Variants in ZDHHC7 observed in about 807,000 individuals in gnomAD.
ZDHHC7 encodes the protein palmitoyltransferase ZDHHC7.
Under a neutral mutation model 34.1 loss-of-function variants are expected in ZDHHC7, and 12 were observed. The ratio of observed to expected loss-of-function variants is 0.35; its 90% CI spans 0.23 to 0.57. ZDHHC7 has a LOEUF of 0.57. Among genes scored for constraint, ZDHHC7 ranks in the 20% least tolerant of loss-of-function variants. The probability of loss-of-function intolerance (pLI) is 0.84; values close to 1 mark genes in which losing one functional copy is unlikely to be tolerated. For missense variants in ZDHHC7, 388 were observed against 402.7 expected (o/e 0.96, Z 0.31); for synonymous variants, 185 against 155.4 (o/e 1.19, Z -1.42).
At chr16:85,026,040 C>T in the ZDHHC7 span, among the ~76,000 whole-genome samples, 1 of 152,210 alleles carries the variant, frequency 6.6e-6, no homozygotes, top group Non-Finnish European at 1.5e-5. Context: ...TCTCTCTAAC[C>T]TTTTGACAAG....
At chr16:85,008,502 A>AC (rs61339076) in intron 1 of ZDHHC7, among the ~76,000 whole-genome samples, 24,721 of 136,924 alleles carry the variant, frequency 0.18, 2,218 homozygotes, top group African/African-American at 0.25. Context: ...CACCACCTAC[A>AC]CCCCCCCCCA....
intron 3 of ZDHHC7, chr16:84,982,203 G>C (rs2072379664): frequency 2.2e-6 from 1 of 454,500 alleles, no homozygotes; most frequent in Non-Finnish European, 3.9e-6. Context: ...AAATTAGCCA[G>C]GCGCGGTGGC....
At chr16:85,015,418 C>T (rs1328214641), upstream of ZDHHC7, among the ~76,000 whole-genome samples, 1 of 152,010 alleles carries the variant, frequency 6.6e-6, no homozygotes, top group Non-Finnish European at 1.5e-5. Context: ...TCTTAACAGA[C>T]CTAAGAAAGG....
At chr16:85,024,223 G>GTT in the ZDHHC7 span, among the ~76,000 whole-genome samples, 21 of 122,366 alleles carry the variant, frequency 1.7e-4, no homozygotes, top group Non-Finnish European at 2.4e-4. Context: ...TGGTCTCAGA[G>GTT]TTTTTTGTTT....
At chr16:84,976,607 C>T (rs1011255543) in intron 7 of ZDHHC7, 88 bp from the exon 8 acceptor site, 6 of 1,521,272 alleles carry the variant, frequency 3.9e-6, no homozygotes, top group Non-Finnish European at 8.9e-7. Flanking sequence ...TGCTCAAGCA[C>T]AGTGTGGGCT....
At chr16:85,007,162 G>A (rs1754790610) in intron 1 of ZDHHC7, among the ~76,000 whole-genome samples, 1 of 152,004 alleles carries the variant, frequency 6.6e-6, no homozygotes. Flanking sequence ...GGTGGCTCAT[G>A]CCTGTAATCC....
the ZDHHC7 span, among the ~76,000 whole-genome samples, chr16:85,018,289 G>A: frequency 6.6e-6 from 1 of 152,156 alleles, no homozygotes; most frequent in Non-Finnish European, 1.5e-5. Flanking sequence ...AGGCAAAACT[G>A]ATCTTCGGTG....
chr16:84,979,757 A>G (rs750004081), intron 4 of ZDHHC7, among the ~76,000 whole-genome samples: 1 of 151,858 alleles, frequency 6.6e-6, no homozygotes, highest in Non-Finnish European at 1.5e-5. Context: ...TCAACTACAC[A>G]CCCAGGCATG....
chr16:84,998,846 G>T (rs909290688), intron 1 of ZDHHC7, among the ~76,000 whole-genome samples: 7 of 149,048 alleles, frequency 4.7e-5, no homozygotes, highest in Non-Finnish European at 1.0e-4. Context: ...TTCCGCCTCT[G>T]GGGTTCAAGC....
At chr16:85,016,927 C>T in the ZDHHC7 span, among the ~76,000 whole-genome samples, 1 of 146,586 alleles carries the variant, frequency 6.8e-6, no homozygotes, top group African/African-American at 2.5e-5. Flanking sequence ...TGAGATTAGA[C>T]TTGATTTCTT....
intron 1 of ZDHHC7, among the ~76,000 whole-genome samples, chr16:85,001,089 C>T (rs955439878): frequency 1.3e-5 from 2 of 152,126 alleles, no homozygotes; most frequent in African/African-American, 4.8e-5. Context: ...GGAACCACAG[C>T]CTGAATGCCA....
the ZDHHC7 span, among the ~76,000 whole-genome samples, chr16:85,022,242 C>G: frequency 6.6e-6 from 1 of 151,364 alleles, no homozygotes; most frequent in African/African-American, 2.4e-5. Flanking sequence ...AAAACTCAGC[C>G]AGGCACAGTG....
chr16:85,005,781 C>T (rs1408764574), intron 1 of ZDHHC7, among the ~76,000 whole-genome samples: 1 of 152,190 alleles, frequency 6.6e-6, no homozygotes, highest in Non-Finnish European at 1.5e-5. Context: ...GCAGTGTTTC[C>T]CGGTGAACCA....
chr16:84,985,168 C>G (rs1045712203), intron 3 of ZDHHC7, among the ~76,000 whole-genome samples: 3 of 152,248 alleles, frequency 2.0e-5, no homozygotes, highest in African/African-American at 7.2e-5. Flanking sequence ...CAGCGGCCTC[C>G]CTTCAGAGGT....
chr16:85,015,321 G>C (rs71386883), upstream of ZDHHC7, among the ~76,000 whole-genome samples: 3 of 151,836 alleles, frequency 2.0e-5, no homozygotes, highest in Non-Finnish European at 4.4e-5. Context: ...GGCTGGTCTC[G>C]AACTCCTGAC....
intron 3 of ZDHHC7, among the ~76,000 whole-genome samples, chr16:84,988,209 C>T (rs1210297074): frequency 4.6e-5 from 7 of 151,966 alleles, no homozygotes; most frequent in Admixed American, 4.6e-4. Context: ...TCCACAGAGA[C>T]AGCAGATGAG....
chr16:84,988,769 G>C lies in ZDHHC7; in HGVS notation c.315+1535C>G, dbSNP rs1035201920. ...GTGCCTACCCCACACTCACAAGCAG[G>C]AGGCTTTGCACAGACTCGGTTCCCT... On this transcript the variant is annotated intron_variant, in intron 3 of 7. Coordinates refer to ENST00000313732, the MANE Select transcript of ZDHHC7 (RefSeq NM_017740.3). 1.0e-5 allele frequency: 16 copies of C among 1,551,420 alleles called. No individual in the cohort carries two copies. The East Asian group carries it at 3.4e-4, about 33-fold the overall frequency.
Position 84,982,366 on chromosome 16 carries a change from T to C in ZDHHC7, c.316-372A>G, listed in dbSNP as rs918821437. On this transcript the variant is annotated intron_variant, in intron 3 of 7. Transcript: ENST00000313732. ...TCTCAAAAAAAAAAAAAAAATCATATATTTTCTATATCATCAAACAATTAA... is the reference window on the plus strand; with the variant it reads ...TCTCAAAAAAAAAAAAAAAATCATACATTTTCTATATCATCAAACAATTAA... Among the ~76,000 whole-genome samples the C allele has an allele frequency of 5.3e-5, 8 of 151,496 alleles. No individual in the cohort carries two copies. The East Asian group carries it at 1.4e-3, about 26-fold the overall frequency.
At chr16:84,994,729 CACATATTAGGGTG>C (rs2072554485) in intron 2 of ZDHHC7, among the ~76,000 whole-genome samples, 1 of 152,154 alleles carries the variant, frequency 6.6e-6, no homozygotes, top group African/African-American at 2.4e-5. Context: ...TTCCTATAAG[CACATATTAGGGTG>C]ACATATCATA....
Sources: allele counts gnomAD v4.1 joint callset (sites outside exome capture counted in the v4.1 genomes callset), GRCh38; gene constraint gnomAD v4.1.1; transcripts MANE v1.5; gene names NCBI Gene and HGNC (gene_info 2026-07-23, HGNC 2026-07-21).